DPP6: variants seen among roughly 807,000 people sequenced by gnomAD.
DPP6 encodes the protein A-type potassium channel modulatory protein DPP6.
Under a neutral mutation model 122.6 loss-of-function variants are expected in DPP6, and 69 were observed. The ratio of observed to expected loss-of-function variants is 0.56; its 90% CI spans 0.46 to 0.69. DPP6 has a LOEUF of 0.69. DPP6 is among the 30% of genes least tolerant of loss of function. The pLI is 0.00. For missense variants in DPP6, 928 were observed against 1,116.9 expected (o/e 0.83, Z 2.41); for synonymous variants, 418 against 433.1 (o/e 0.97, Z 0.43).
upstream of DPP6, among the ~76,000 whole-genome samples, chr7:154,047,848 AG>A (rs1385154528): frequency 6.7e-6 from 1 of 148,658 alleles, no homozygotes; most frequent in African/African-American, 2.5e-5. Context: ...GGAGGAGAAG[AG>A]TCGATTATGG....
At chr7:154,573,828 G>GT (rs1184832792) in intron 5 of DPP6, among the ~76,000 whole-genome samples, 1 of 152,244 alleles carries the variant, frequency 6.6e-6, no homozygotes, top group Non-Finnish European at 1.5e-5. Context: ...CTAAGCCTGT[G>GT]TAAGCAGTGT....
chr7:154,216,637 C>T (rs1052449551), intron 1 of DPP6, among the ~76,000 whole-genome samples: 1 of 152,076 alleles, frequency 6.6e-6, no homozygotes, highest in Non-Finnish European at 1.5e-5. Context: ...TTTCAAATTA[C>T]AGAACCATTG....
At chr7:154,381,260 C>T (rs1410296079) in intron 1 of DPP6, among the ~76,000 whole-genome samples, 3 of 152,168 alleles carry the variant, frequency 2.0e-5, no homozygotes, top group East Asian at 1.9e-4. Flanking sequence ...CTCCTGGCCC[C>T]GTCTGACTCG....
intron 3 of DPP6, among the ~76,000 whole-genome samples, chr7:154,500,327 T>C (rs1213433607): frequency 6.6e-6 from 1 of 152,228 alleles, no homozygotes; most frequent in Non-Finnish European, 1.5e-5. Flanking sequence ...ATGACTTTTG[T>C]TATGGGAATT....
intron 1 of DPP6, among the ~76,000 whole-genome samples, chr7:154,167,771 T>C (rs764893288): frequency 2.6e-5 from 4 of 152,224 alleles, no homozygotes; most frequent in Non-Finnish European, 5.9e-5. Context: ...TCATTTTAAT[T>C]TTTTAGTTAA....
chr7:154,415,651 A>T (rs1254778934), intron 1 of DPP6, among the ~76,000 whole-genome samples: 1 of 151,364 alleles, frequency 6.6e-6, no homozygotes, highest in Non-Finnish European at 1.5e-5. Context: ...GATGTAGGTT[A>T]AATTTTGACC....
intron 1 of DPP6, among the ~76,000 whole-genome samples, chr7:154,226,064 C>G (rs1159835359): frequency 6.6e-6 from 1 of 152,136 alleles, no homozygotes; most frequent in East Asian, 1.9e-4. Context: ...AATGCATTTC[C>G]TGATGACACG....
At chr7:154,766,300 G>A (rs140912336) in intron 8 of DPP6, among the ~76,000 whole-genome samples, 4 of 152,122 alleles carry the variant, frequency 2.6e-5, no homozygotes, top group East Asian at 1.9e-4. Context: ...CCCAATGGTC[G>A]CTAAGTTCCC....
the DPP6 span, among the ~76,000 whole-genome samples, chr7:153,785,058 G>A: frequency 3.9e-5 from 6 of 152,140 alleles, no homozygotes; most frequent in Non-Finnish European, 8.8e-5. Flanking sequence ...GTAGATTATA[G>A]GGTTTTCTTG....
chr7:154,526,297 T>G (rs561786356), intron 3 of DPP6, among the ~76,000 whole-genome samples: 1 of 152,296 alleles, frequency 6.6e-6, no homozygotes, highest in African/African-American at 2.4e-5. Context: ...CTCACCACCT[T>G]TGGTGTTCTC....
chr7:154,075,999 T>C (rs2150518949), intron 1 of DPP6, among the ~76,000 whole-genome samples: 1 of 151,752 alleles, frequency 6.6e-6, no homozygotes, highest in Admixed American at 6.6e-5. Flanking sequence ...ATAGGCTAAA[T>C]AAAGGAATGA....
chr7:153,944,696 T>C (rs1801864830), intron 1 of DPP6, among the ~76,000 whole-genome samples: 1 of 109,026 alleles, frequency 9.2e-6, no homozygotes, highest in Admixed American at 1.2e-4. Context: ...TGAGACAGAA[T>C]TTCGGCCCAC....
intron 1 of DPP6, among the ~76,000 whole-genome samples, chr7:154,392,216 T>G (rs1218373337): frequency 6.6e-6 from 1 of 152,098 alleles, no homozygotes; most frequent in Non-Finnish European, 1.5e-5. Context: ...GAGGTTGCAG[T>G]GAGCTGAGAT....
chr7:154,887,292 T>A (rs1806225722), intron 22 of DPP6, among the ~76,000 whole-genome samples: 1 of 152,202 alleles, frequency 6.6e-6, no homozygotes, highest in African/African-American at 2.4e-5. Flanking sequence ...CTGGACTTTT[T>A]AAAAAATAAG....
chr7:154,053,101 C>G, intron 1 of DPP6, 38 bp downstream of exon 1: 2 of 1,064,332 alleles, frequency 1.9e-6, no homozygotes, highest in Non-Finnish European at 1.1e-6. Context: ...GCGGCGGGTT[C>G]TCCGGGCTGA....
At chr7:153,957,880 T>G (rs550362692) in intron 1 of DPP6, among the ~76,000 whole-genome samples, 83 of 152,092 alleles carry the variant, frequency 5.5e-4, no homozygotes, top group African/African-American at 1.9e-3. Context: ...CCTAGAAAAA[T>G]TGCTCGGGCG....
intron 1 of DPP6, among the ~76,000 whole-genome samples, chr7:154,197,189 T>G (rs1245709001): frequency 1.3e-5 from 2 of 151,818 alleles, no homozygotes; most frequent in Admixed American, 6.6e-5. Context: ...GATATTGTGA[T>G]AGCAGTGAAC....
At chr7:154,445,995 G>T (rs1008356426) in intron 1 of DPP6, among the ~76,000 whole-genome samples, 1 of 152,174 alleles carries the variant, frequency 6.6e-6, no homozygotes, top group Non-Finnish European at 1.5e-5. Flanking sequence ...GTAACATTTG[G>T]CCATAGTACA....
At chr7:154,660,525 CATATT>C (rs1563072175) in intron 6 of DPP6, among the ~76,000 whole-genome samples, 1 of 146,280 alleles carries the variant, frequency 6.8e-6, no homozygotes. Context: ...ATCACCATGG[CATATT>C]GGCGCTAGTG....
Sources: gnomAD v4.1 joint callset for allele counts (sites outside exome capture counted in the v4.1 genomes callset) on GRCh38, gnomAD v4.1.1 for gene constraint, MANE v1.5 for transcripts, NCBI Gene and HGNC (gene_info 2026-07-23, HGNC 2026-07-21) for gene names.